The following SBF2 variants were observed in gnomAD, a reference collection of about 807,000 sequenced individuals.
SBF2 encodes SET binding factor 2, also known as myotubularin-related protein 13.
In SBF2, 112 loss-of-function variants were observed where a neutral mutation model predicts 225.2. The ratio of observed to expected loss-of-function variants is 0.50; its 90% CI spans 0.43 to 0.58. The LOEUF (loss-of-function observed/expected upper bound fraction) is 0.58, where lower values mean the gene tolerates loss of function less well. Ranked by LOEUF, SBF2 falls within the 20% of genes least tolerant of loss-of-function variation. The probability of loss-of-function intolerance (pLI) is 0.00; values close to 1 mark genes in which losing one functional copy is unlikely to be tolerated. For missense variants in SBF2, 1,996 were observed against 2,206.2 expected (o/e 0.90, Z 1.91); for synonymous variants, 763 against 773.3 (o/e 0.99, Z 0.22).
At chr11:9,850,729 A>G (rs1411029533) in intron 21 of SBF2, among the ~76,000 whole-genome samples, 1 of 152,244 alleles carries the variant, frequency 6.6e-6, no homozygotes, top group Non-Finnish European at 1.5e-5. Context: ...TCTTTGCAGA[A>G]TTGTGTAAAA....
exon 1 of SBF2, chr11:10,304,796 G>A (rs1964634490): frequency 6.6e-6 from 1 of 152,366 alleles, no homozygotes; most frequent in Admixed American, 6.5e-5. Flanking sequence ...CCTTCGCTCC[G>A]GCGTACTGTC....
intron 1 of SBF2, among the ~76,000 whole-genome samples, chr11:10,261,898 T>C (rs559844172): frequency 1.3e-5 from 2 of 152,316 alleles, no homozygotes; most frequent in African/African-American, 2.4e-5. Flanking sequence ...TCCATTTCTA[T>C]GATGTTCTAG....
chr11:10,082,504 GA>G (rs1951406986), intron 2 of SBF2, among the ~76,000 whole-genome samples: 1 of 152,054 alleles, frequency 6.6e-6, no homozygotes, highest in African/African-American at 2.4e-5. Context: ...CTAGAAAACT[GA>G]ATTCAACAGC....
chr11:9,803,188 A>G (rs898841949), intron 32 of SBF2, among the ~76,000 whole-genome samples: 1 of 145,946 alleles, frequency 6.9e-6, no homozygotes, highest in Non-Finnish European at 1.5e-5. Flanking sequence ...CAACTGGTTT[A>G]TATAAAACAT....
chr11:10,065,951 C>T (rs546024377), intron 2 of SBF2, among the ~76,000 whole-genome samples: 3 of 151,876 alleles, frequency 2.0e-5, no homozygotes, highest in African/African-American at 7.3e-5. Flanking sequence ...CCTTCTCAAA[C>T]AACAAACAAA....
intron 28 of SBF2, among the ~76,000 whole-genome samples, chr11:9,819,848 G>A (rs1377629041): frequency 1.3e-5 from 2 of 152,140 alleles, no homozygotes; most frequent in Admixed American, 6.5e-5. Context: ...GCATTGCCAC[G>A]CTATCTTCCT....
intron 2 of SBF2, among the ~76,000 whole-genome samples, chr11:10,157,570 C>T (rs1007940282): frequency 2.0e-5 from 3 of 152,066 alleles, no homozygotes; most frequent in African/African-American, 4.8e-5. Context: ...TTCACAAGAA[C>T]AAAACAAACA....
intron 12 of SBF2, among the ~76,000 whole-genome samples, chr11:9,991,580 T>C (rs1353549573): frequency 6.6e-6 from 1 of 152,176 alleles, no homozygotes; most frequent in Admixed American, 6.5e-5. Flanking sequence ...TAGTACTCTT[T>C]CAAAAATTGA....
rs879578860 is a variant in SBF2, at chr11:10,227,875, G to T, written c.56-33888C>A. ...CTGTGAAGAAAGTCATTGGTAGCTT[G>T]ATGGGGATGGCATTGAATCTGTAAA... On this transcript the variant is annotated intron_variant, in intron 1 of 39. Coordinates refer to ENST00000256190, the MANE Select transcript of SBF2 (RefSeq NM_030962.4). 6.6e-3 allele frequency among the ~76,000 whole-genome samples: 1,005 copies of T among 151,612 alleles called. 10 individuals carry two copies. The highest frequency in any genetic ancestry group is 0.023 in the African/African-American group (951 of 41,280).
At chr11:10,132,575 C>T (rs1591030740) in intron 2 of SBF2, among the ~76,000 whole-genome samples, 1 of 147,444 alleles carries the variant, frequency 6.8e-6, no homozygotes, top group South Asian at 2.1e-4. Flanking sequence ...CCGGTGGGCT[C>T]GTGGTCTCGC....
At chr11:10,071,289 G>A (rs1211111611) in intron 2 of SBF2, among the ~76,000 whole-genome samples, 1 of 119,310 alleles carries the variant, frequency 8.4e-6, no homozygotes, top group Non-Finnish European at 1.8e-5. Context: ...TTTTTTGAGA[G>A]GGAGTCTCAC....
At chr11:10,087,514 T>G (rs368838256) in intron 2 of SBF2, among the ~76,000 whole-genome samples, 15 of 152,352 alleles carry the variant, frequency 9.8e-5, no homozygotes, top group African/African-American at 3.6e-4. Flanking sequence ...ATAATAGAAG[T>G]TAAATTTAGT....
intron 17 of SBF2, among the ~76,000 whole-genome samples, chr11:9,869,796 C>A (rs1023263400): frequency 6.6e-6 from 1 of 152,092 alleles, no homozygotes; most frequent in Non-Finnish European, 1.5e-5. Flanking sequence ...CGGAACAAGA[C>A]AAAGATGCCC....
chr11:10,226,261 T>C (rs1958537454), intron 1 of SBF2, among the ~76,000 whole-genome samples: 1 of 152,184 alleles, frequency 6.6e-6, no homozygotes, highest in Admixed American at 6.5e-5. Flanking sequence ...CAAAACAGCA[T>C]TATACTATGA....
intron 28 of SBF2, among the ~76,000 whole-genome samples, chr11:9,822,460 C>G (rs554624118): frequency 3.9e-4 from 60 of 152,232 alleles, no homozygotes; most frequent in African/African-American, 1.4e-3. Context: ...CAGGGTTTCA[C>G]TGTGTTAGCC....
At chr11:9,904,619 T>C (rs985476363) in intron 16 of SBF2, among the ~76,000 whole-genome samples, 1 of 152,222 alleles carries the variant, frequency 6.6e-6, no homozygotes, top group African/African-American at 2.4e-5. Context: ...TAGATATGTA[T>C]AGAACACTGT....
At chr11:10,016,515 C>T (rs934361041) in intron 6 of SBF2, 1 of 152,002 alleles carries the variant, frequency 6.6e-6, no homozygotes, top group Non-Finnish European at 1.5e-5. Flanking sequence ...GAGATGGAGT[C>T]TCGCTCTGTC....
At chr11:9,925,946 G>C (rs1864003944) in intron 16 of SBF2, among the ~76,000 whole-genome samples, 1 of 139,084 alleles carries the variant, frequency 7.2e-6, no homozygotes, top group African/African-American at 2.8e-5. Flanking sequence ...AAAAAATAAG[G>C]TTTGGAACCA....
At chr11:10,295,860 T>C (rs1964512136), upstream of SBF2, among the ~76,000 whole-genome samples, 1 of 152,196 alleles carries the variant, frequency 6.6e-6, no homozygotes, top group South Asian at 2.1e-4. Context: ...AGCTATCATA[T>C]TCCTTCCCAA....
Sources: allele counts gnomAD v4.1 joint callset (sites outside exome capture counted in the v4.1 genomes callset), GRCh38; gene constraint gnomAD v4.1.1; transcripts MANE v1.5; gene names NCBI Gene and HGNC (gene_info 2026-07-23, HGNC 2026-07-21).